AKAP6: variants seen among roughly 807,000 people sequenced by gnomAD.
The protein encoded by AKAP6 is A-kinase anchor protein 6.
A neutral mutation model predicts 188.5 loss-of-function variants in AKAP6; 58 were observed. The observed-to-expected ratio is 0.31, with a 90% CI of 0.25 to 0.38. The LOEUF is 0.38. Ranked by LOEUF, AKAP6 falls within the 10% of genes least tolerant of loss-of-function variation. AKAP6 has a pLI of 1.00. For missense variants in AKAP6, 2,710 were observed against 2,740.0 expected (o/e 0.99, Z 0.24); for synonymous variants, 989 against 998.6 (o/e 0.99, Z 0.18).
Position 32,568,799 on chromosome 14 carries a change from A to T in AKAP6, c.2347-8321A>T, listed in dbSNP as rs560078150. Reference sequence around the variant, plus strand: ...GTATCATAGGGTTGTTGTAAGGATTATGTAAGTGCCTGGTGTGTAGTAAGT... The same window carrying T: ...GTATCATAGGGTTGTTGTAAGGATTTTGTAAGTGCCTGGTGTGTAGTAAGT... On this transcript the variant is annotated intron_variant, in intron 4 of 13. Transcript: ENST00000280979. The surrounding 1 kb of genome is among the most constrained non-coding windows in gnomAD (Gnocchi z 6.2). 2.0e-5 allele frequency among the ~76,000 whole-genome samples: 3 copies of T among 152,340 alleles called. No individual in the cohort carries two copies. Among genetic ancestry groups the T allele is most frequent in the African/African-American group, 7.2e-5 (3 of 41,588 alleles).
chr14:32,420,909 T>TTTTGTGTGTGTGTGTGTGTGTG (rs1555327187), intron 1 of AKAP6, among the ~76,000 whole-genome samples: 31 of 146,520 alleles, frequency 2.1e-4, no homozygotes, highest in African/African-American at 7.5e-4. Context: ...GGAGATTGAT[T>TTTTGTGTGTGTGTGTGTGTGTG]TGTGTGTGTG....
intron 1 of AKAP6, among the ~76,000 whole-genome samples, chr14:32,400,921 T>C (rs971754157): frequency 6.6e-6 from 1 of 152,186 alleles, no homozygotes; most frequent in Non-Finnish European, 1.5e-5. Flanking sequence ...AATCCTATTC[T>C]TTCCACTTGA....
At chr14:32,797,090 G>A (rs546389316) in intron 12 of AKAP6, among the ~76,000 whole-genome samples, 47 of 152,210 alleles carry the variant, frequency 3.1e-4, no homozygotes, top group South Asian at 2.3e-3. Flanking sequence ...ACCATCTCAC[G>A]CCAGTCAGAA....
At chr14:32,772,252 G>T (rs1206600325) in intron 11 of AKAP6, among the ~76,000 whole-genome samples, 1 of 152,110 alleles carries the variant, frequency 6.6e-6, no homozygotes, top group Non-Finnish European at 1.5e-5. Flanking sequence ...CCAATTAATA[G>T]CAGCAGTAAA....
intron 11 of AKAP6, among the ~76,000 whole-genome samples, chr14:32,750,844 C>T (rs60312865): frequency 0.029 from 4,443 of 150,884 alleles, 213 homozygotes; most frequent in African/African-American, 0.1. Flanking sequence ...ACCCCATTCT[C>T]CTGCCTCAGC....
intron 2 of AKAP6, 23 bp downstream of exon 2, chr14:32,433,840 C>T: frequency 1.3e-6 from 2 of 1,597,312 alleles, no homozygotes; most frequent in Non-Finnish European, 1.7e-6. Context: ...CTGTGATCCT[C>T]TCAGGATAGA....
chr14:32,359,037 G>A (rs1887571836), intron 1 of AKAP6, among the ~76,000 whole-genome samples: 1 of 152,168 alleles, frequency 6.6e-6, no homozygotes, highest in Non-Finnish European at 1.5e-5. Context: ...TTCCTTCCAT[G>A]ACAAAAACTC....
At chr14:32,620,419 T>C (rs1886769244) in intron 7 of AKAP6, among the ~76,000 whole-genome samples, 2 of 152,162 alleles carry the variant, frequency 1.3e-5, no homozygotes, top group Admixed American at 6.6e-5. Context: ...TCTACTGAGA[T>C]GATCATGTGG....
At position 32,399,134 on chromosome 14, in the gene AKAP6, G is replaced by T. The variant is rs546325289; in HGVS notation, c.-34-34326G>T. 3.9e-5 allele frequency among the ~76,000 whole-genome samples: 6 copies of T among 152,180 alleles called. No individual in the cohort carries two copies. In the East Asian group the frequency reaches 1.2e-3, roughly 29 times the overall value. On this transcript the variant is annotated intron_variant, in intron 1 of 13. Transcript: ENST00000280979. ...CTCCCAAAGTGCTAGGATTACAGGC[G>T]TGAGCCACTGTGCCTGGCCTGCCCT...
intron 7 of AKAP6, among the ~76,000 whole-genome samples, chr14:32,674,746 A>T (rs1889357529): frequency 6.6e-6 from 1 of 152,150 alleles, no homozygotes; most frequent in Non-Finnish European, 1.5e-5. Flanking sequence ...GATTGGTTGG[A>T]TATATAAGTA....
chr14:32,425,228 A>G lies in AKAP6; in HGVS notation c.-34-8232A>G, dbSNP rs754264934. Reference sequence around the variant, plus strand: ...GTGTCTCATTTTGTTTTTGATTTGCATTTCTCTAATGATCAGTGATGTTGA... The same window carrying G: ...GTGTCTCATTTTGTTTTTGATTTGCGTTTCTCTAATGATCAGTGATGTTGA... On this transcript the variant is annotated intron_variant, in intron 1 of 13. Transcript: ENST00000280979. Among the ~76,000 whole-genome samples, 13 of 151,932 alleles carry G rather than the reference A, an allele frequency of 8.6e-5. No individual in the cohort carries two copies. The South Asian group carries it at 1.2e-3, about 15-fold the overall frequency.
At chr14:32,430,226 G>A (rs1280375715) in intron 1 of AKAP6, among the ~76,000 whole-genome samples, 1 of 152,062 alleles carries the variant, frequency 6.6e-6, no homozygotes, top group Non-Finnish European at 1.5e-5. Context: ...AATAACCCTA[G>A]GCAATCACAG....
rs369559785 is a variant in AKAP6 at position 32,492,638 on chromosome 14, A to G, written c.325-42916A>G. Among the ~76,000 whole-genome samples the G allele has an allele frequency of 3.5e-3, 527 of 152,144 alleles. 2 individuals carry two copies. Among genetic ancestry groups the G allele is most frequent in the African/African-American group, 0.012 (498 of 41,548 alleles). The stretch of plus-strand genomic sequence containing the variant: ...AATTAAAAATAGATCCCTGTGAAGT[A>G]CATGTTCCTTTTTTTTCCCTGCCAG... On this transcript the variant is annotated intron_variant, in intron 2 of 13. Coordinates refer to ENST00000280979, the MANE Select transcript of AKAP6 (RefSeq NM_004274.5).
chr14:32,401,360 T>C (rs1197852624), intron 1 of AKAP6, among the ~76,000 whole-genome samples: 1 of 152,222 alleles, frequency 6.6e-6, no homozygotes, highest in Non-Finnish European at 1.5e-5. Flanking sequence ...TTGAGTCTTA[T>C]TACCTGCCAC....
intron 11 of AKAP6, among the ~76,000 whole-genome samples, chr14:32,753,860 T>G (rs560160256): frequency 6.3e-4 from 96 of 151,506 alleles, no homozygotes; most frequent in Admixed American, 5.9e-4. Context: ...GGGCTCTCTC[T>G]TCTGTTCAGT....
chr14:32,356,941 G>A (rs1411125212), intron 1 of AKAP6, among the ~76,000 whole-genome samples: 3 of 151,884 alleles, frequency 2.0e-5, no homozygotes. Flanking sequence ...TCATTCCCAT[G>A]CTTGCACCGG....
chr14:32,513,455 G>A (rs1438021976), intron 2 of AKAP6, among the ~76,000 whole-genome samples: 1 of 152,156 alleles, frequency 6.6e-6, no homozygotes, highest in Non-Finnish European at 1.5e-5. Context: ...ACCTGACATA[G>A]AGCCCTAAAA....
chr14:32,510,380 GTA>G lies in AKAP6; in HGVS notation c.325-25164_325-25163del, dbSNP rs56715964. 5.3e-4 allele frequency among the ~76,000 whole-genome samples: 51 copies of G among 95,388 alleles called. 1 individual carries two copies. Among genetic ancestry groups the G allele is most frequent in the East Asian group, 1.0e-3 (3 of 2,916 alleles). The allele number at this position is 95,388 out of a possible 152,430, so 62.6% of individuals were successfully genotyped here. A position where few individuals can be genotyped will look rare whatever the true frequency, so the allele number is the denominator to read the frequency against. ...CATATATATATGTGTATATATATGTGTATATATATATGTGTATATATATGTAT... is the reference window on the plus strand; with the variant it reads ...CATATATATATGTGTATATATATGTGTATATATATGTGTATATATATGTAT... On this transcript the variant is annotated intron_variant, in intron 2 of 13. Transcript: ENST00000280979.
rs367953176 is a variant in AKAP6, at chr14:32,824,686, C to T, written c.6873C>T (p.Ala2291=). The change falls in exon 13 of 14, where the codon GCC becomes GCT. Residue 2291 remains alanine (A), a synonymous_variant. Transcript: ENST00000280979. ...SLKANQPTDK[A]ALHPSPKTLT... ...AGGCAAATCAGCCAACAGACAAGGCCGCATTGCATCCCAGCCCCAAAACTT... is the reference window on the plus strand; with the variant it reads ...AGGCAAATCAGCCAACAGACAAGGCTGCATTGCATCCCAGCCCCAAAACTT... 37 of 1,613,698 alleles carry T rather than the reference C, an allele frequency of 2.3e-5. No homozygotes were observed. The highest frequency in any genetic ancestry group is 9.3e-5 in the African/African-American group (7 of 74,888).
Sources: gnomAD v4.1 joint callset for allele counts (sites outside exome capture counted in the v4.1 genomes callset) on GRCh38, gnomAD v4.1.1 for gene constraint, Gnocchi (gnomAD v3.1) non-coding constraint, MANE v1.5 for transcripts, NCBI Gene and HGNC (gene_info 2026-07-23, HGNC 2026-07-21) for gene names.